Variants in CCDC91 observed in about 807,000 individuals in gnomAD.
CCDC91 encodes coiled-coil domain-containing protein 91.
In CCDC91, 48 loss-of-function variants were observed where a neutral mutation model predicts 63.2. The ratio of observed to expected loss-of-function variants is 0.76; its 90% CI spans 0.60 to 0.97. CCDC91 has a LOEUF of 0.97. Ranked by LOEUF, CCDC91 falls within the 50% of genes least tolerant of loss-of-function variation. The pLI is 0.00. For synonymous variants in CCDC91, 167 were observed against 165.8 expected (o/e 1.01, Z -0.06); for missense variants, 500 against 494.6 (o/e 1.01, Z -0.10).
At chr12:28,520,333 A>C (rs1432683972) in intron 12 of CCDC91, among the ~76,000 whole-genome samples, 1 of 151,816 alleles carries the variant, frequency 6.6e-6, no homozygotes, top group Admixed American at 6.6e-5. Context: ...GATGATGAGA[A>C]TTTTTTCATG....
intron 11 of CCDC91, among the ~76,000 whole-genome samples, chr12:28,465,174 G>A (rs1249189537): frequency 6.6e-6 from 1 of 152,218 alleles, no homozygotes; most frequent in Non-Finnish European, 1.5e-5. Context: ...TGGGGTTTGA[G>A]TTCCAGCTCA....
At chr12:28,518,226 G>A (rs1431530453) in intron 12 of CCDC91, among the ~76,000 whole-genome samples, 2 of 151,964 alleles carry the variant, frequency 1.3e-5, no homozygotes, top group Non-Finnish European at 2.9e-5. Flanking sequence ...TTCCATAGTG[G>A]TTGTACTAGT....
At chr12:28,533,723 GCTC>G (rs1383848633) in intron 12 of CCDC91, among the ~76,000 whole-genome samples, 1 of 151,590 alleles carries the variant, frequency 6.6e-6, no homozygotes, top group Non-Finnish European at 1.5e-5. Flanking sequence ...TATTTATCAT[GCTC>G]CTCTTCTCCC....
intron 11 of CCDC91, among the ~76,000 whole-genome samples, chr12:28,466,543 C>T (rs1040537198): frequency 4.6e-5 from 7 of 152,010 alleles, no homozygotes; most frequent in Admixed American, 1.3e-4. Context: ...CTTTACAGGC[C>T]AGGAGAGTGT....
chr12:28,439,377 A>G (rs1335580256), intron 8 of CCDC91, among the ~76,000 whole-genome samples: 1 of 152,154 alleles, frequency 6.6e-6, no homozygotes, highest in African/African-American at 2.4e-5. Context: ...AAATTTATTT[A>G]GTGTCTTTTA....
intron 12 of CCDC91, among the ~76,000 whole-genome samples, chr12:28,484,767 C>G (rs1196809633): frequency 2.6e-5 from 4 of 151,830 alleles, no homozygotes; most frequent in South Asian, 4.2e-4. Flanking sequence ...TTCAATAAAT[C>G]TTCAGTCCTC....
chr12:28,247,901 A>G (rs921358429), intron 1 of CCDC91, among the ~76,000 whole-genome samples: 1 of 152,124 alleles, frequency 6.6e-6, no homozygotes, highest in Non-Finnish European at 1.5e-5. Context: ...CCTCATATGC[A>G]CAGTTCACAA....
chr12:28,246,610 A>AGTTTTAGGGTCTAAAACATGATT lies in CCDC91; in HGVS notation c.-14-10584_-14-10562dup. On this transcript the variant is annotated intron_variant, in intron 1 of 12. Coordinates refer to ENST00000536442, the MANE Select transcript of CCDC91 (RefSeq NM_018318.5). ...GATTTGGAGTTGAGATTGACATGAT[A>AGTTTTAGGGTCTAAAACATGATT]GTTTTAGGGTCTAAAACATGATTGT... Among the ~76,000 whole-genome samples, 3 of 152,258 alleles carry AGTTTTAGGGTCTAAAACATGATT rather than the reference A, an allele frequency of 2.0e-5. No homozygotes were observed. The Middle Eastern group carries it at 0.01, about 518-fold the overall frequency.
chr12:28,540,944 T>C (rs144325287), intron 12 of CCDC91, among the ~76,000 whole-genome samples: 2,488 of 152,214 alleles, frequency 0.016, 26 homozygotes, highest in South Asian at 0.029. Context: ...CAACAGCTAC[T>C]GAGTGGGTTT....
intron 12 of CCDC91, among the ~76,000 whole-genome samples, chr12:28,537,802 G>C (rs1942295298): frequency 6.6e-6 from 1 of 152,190 alleles, no homozygotes; most frequent in Non-Finnish European, 1.5e-5. Context: ...AAGGGGAAAA[G>C]AACAAGTGTC....
At chr12:28,202,321 T>C (rs1904386) in intron 1 of CCDC91, among the ~76,000 whole-genome samples, 85,323 of 151,508 alleles carry the variant, frequency 0.56, 24,121 homozygotes, top group East Asian at 0.61. Flanking sequence ...TCCTTTCTTG[T>C]CTCTTGCATG....
chr12:28,403,437 C>G (rs988836258), intron 8 of CCDC91, among the ~76,000 whole-genome samples: 2 of 151,992 alleles, frequency 1.3e-5, no homozygotes, highest in Non-Finnish European at 1.5e-5. Flanking sequence ...TGTTGAGGGC[C>G]TGCTTTCTAG....
rs779575685 is a variant in CCDC91 at position 28,450,362 on chromosome 12, A to G, written c.868A>G (p.Lys290Glu). ...QSQEQKEILE[K>E]CLEEERQRNK... ...TATCATTTGACAGGAAATATTGGAA[A>G]AGTGTTTGGAGGAAGAAAGGCAAAG... Residue 290 changes from lysine (K) to glutamate (E), a missense_variant, in exon 10 of 13, where the codon AAG (lysine) becomes GAG (glutamate). By Grantham distance (56) the Lys-to-Glu change is moderately conservative. Coordinates refer to ENST00000536442, the MANE Select transcript of CCDC91 (RefSeq NM_018318.5). 6.2e-7 allele frequency: 1 copy of G among 1,612,080 alleles called. No homozygotes were observed. Among genetic ancestry groups the G allele is most frequent in the Non-Finnish European group, 8.5e-7 (1 of 1,178,444 alleles).
At chr12:28,270,684 T>G (rs190880664) in intron 3 of CCDC91, among the ~76,000 whole-genome samples, 9 of 152,302 alleles carry the variant, frequency 5.9e-5, no homozygotes, top group African/African-American at 2.2e-4. Context: ...TAAAGTAATT[T>G]CAACCCTTGG....
intron 1 of CCDC91, among the ~76,000 whole-genome samples, chr12:28,245,003 A>G (rs1369199807): frequency 6.6e-6 from 1 of 152,172 alleles, no homozygotes; most frequent in African/African-American, 2.4e-5. Context: ...TATCATAGAT[A>G]CTATCATAGG....
chr12:28,527,728 G>T (rs1344812516), intron 12 of CCDC91, among the ~76,000 whole-genome samples: 3 of 152,180 alleles, frequency 2.0e-5, no homozygotes, highest in Non-Finnish European at 2.9e-5. Flanking sequence ...TGGTGGCAGG[G>T]CTAGGCATGC....
chr12:28,326,962 G>A (rs1380267987), intron 6 of CCDC91, among the ~76,000 whole-genome samples: 1 of 152,074 alleles, frequency 6.6e-6, no homozygotes, highest in African/African-American at 2.4e-5. Flanking sequence ...CAGCTCATGA[G>A]AGCCGAAAGT....
chr12:28,402,069 T>C (rs1419944568), intron 8 of CCDC91, among the ~76,000 whole-genome samples: 1 of 152,166 alleles, frequency 6.6e-6, no homozygotes, highest in Non-Finnish European at 1.5e-5. Context: ...ATTGATCTAG[T>C]ATTTCTCAGC....
At chr12:28,492,133 C>CTA (rs1952046484) in intron 12 of CCDC91, among the ~76,000 whole-genome samples, 1 of 151,670 alleles carries the variant, frequency 6.6e-6, no homozygotes, top group African/African-American at 2.4e-5. Flanking sequence ...CTGTCTATAT[C>CTA]TATATATTTA....
Sources: gnomAD v4.1 joint callset for allele counts (sites outside exome capture counted in the v4.1 genomes callset) on GRCh38, gnomAD v4.1.1 for gene constraint, MANE v1.5 for transcripts, NCBI Gene and HGNC (gene_info 2026-07-23, HGNC 2026-07-21) for gene names.